The following CNTN5 variants were observed in gnomAD, a reference collection of about 807,000 sequenced individuals.
CNTN5 encodes the protein contactin 5, also known as contactin-5.
CNTN5 carries 77 observed loss-of-function variants against 129.1 expected under a neutral mutation model. The observed-to-expected ratio is 0.60, with a 90% CI of 0.50 to 0.72. The LOEUF (loss-of-function observed/expected upper bound fraction) is 0.72, where lower values mean the gene tolerates loss of function less well. Among genes scored for constraint, CNTN5 ranks in the 30% least tolerant of loss-of-function variants. The pLI is 0.00. For missense variants in CNTN5, 1,478 were observed against 1,328.8 expected (o/e 1.11, Z -1.75); for synonymous variants, 509 against 465.6 (o/e 1.09, Z -1.20).
intron 9 of CNTN5, among the ~76,000 whole-genome samples, chr11:100,040,355 C>G (rs1273448380): frequency 6.6e-6 from 1 of 152,086 alleles, no homozygotes; most frequent in African/African-American, 2.4e-5. Flanking sequence ...AGTACCTGGC[C>G]GTATGAGGTG....
chr11:100,010,899 C>T (rs1254324506), intron 9 of CNTN5, among the ~76,000 whole-genome samples: 1 of 152,066 alleles, frequency 6.6e-6, no homozygotes, highest in Non-Finnish European at 1.5e-5. Flanking sequence ...CCCTGCTTTT[C>T]TTGAGCTCCA....
At chr11:100,346,647 A>G (rs1272944727) in intron 23 of CNTN5, among the ~76,000 whole-genome samples, 1 of 152,106 alleles carries the variant, frequency 6.6e-6, no homozygotes, top group Non-Finnish European at 1.5e-5. Context: ...CCTTTCCTAG[A>G]TATACAACCC....
At chr11:100,138,247 A>AG (rs1946586150) in intron 13 of CNTN5, among the ~76,000 whole-genome samples, 1 of 114,768 alleles carries the variant, frequency 8.7e-6, no homozygotes. Flanking sequence ...CCTGGCACTA[A>AG]GGAAAAAAAA....
intron 1 of CNTN5, among the ~76,000 whole-genome samples, chr11:99,161,827 A>G (rs892743324): frequency 6.6e-6 from 1 of 152,172 alleles, no homozygotes; most frequent in African/African-American, 2.4e-5. Flanking sequence ...GAAACTTGCT[A>G]ATATCATATT....
At chr11:99,788,234 C>G (rs552427647) in intron 3 of CNTN5, among the ~76,000 whole-genome samples, 1 of 152,014 alleles carries the variant, frequency 6.6e-6, no homozygotes, top group East Asian at 1.9e-4. Flanking sequence ...CTGAATTCCT[C>G]CATTAATGAA....
At chr11:99,889,359 T>C (rs949437131) in intron 6 of CNTN5, among the ~76,000 whole-genome samples, 49 of 105,006 alleles carry the variant, frequency 4.7e-4, no homozygotes, top group South Asian at 6.7e-4. Context: ...TGTGTGTGTA[T>C]ATATATCTCT....
intron 2 of CNTN5, among the ~76,000 whole-genome samples, chr11:99,480,776 T>C (rs2135311360): frequency 6.6e-6 from 1 of 152,266 alleles, no homozygotes; most frequent in East Asian, 1.9e-4. Context: ...CATTAGGACC[T>C]GATATGTTAC....
At chr11:100,084,371 TGAGGA>T (rs1213486829) in intron 13 of CNTN5, among the ~76,000 whole-genome samples, 3 of 152,022 alleles carry the variant, frequency 2.0e-5, no homozygotes, top group African/African-American at 7.2e-5. Context: ...TATAAAATGG[TGAGGA>T]GAGAAGATTC....
At chr11:99,296,256 C>T (rs1430490048) in intron 1 of CNTN5, among the ~76,000 whole-genome samples, 1 of 151,988 alleles carries the variant, frequency 6.6e-6, no homozygotes, top group African/African-American at 2.4e-5. Context: ...GTGTACAGTT[C>T]CAGGAGTATG....
At chr11:99,753,822 G>T (rs11221229) in intron 3 of CNTN5, among the ~76,000 whole-genome samples, 30 of 150,182 alleles carry the variant, frequency 2.0e-4, no homozygotes, top group African/African-American at 7.1e-4. Context: ...CAAGTGGCTG[G>T]GATTACAGGT....
chr11:99,593,515 G>C (rs1565330638), intron 3 of CNTN5, among the ~76,000 whole-genome samples: 1 of 152,100 alleles, frequency 6.6e-6, no homozygotes, highest in Non-Finnish European at 1.5e-5. Context: ...TGCTATGACA[G>C]AATAGTAATT....
Position 100,302,949 on chromosome 11 carries a change from C to T in CNTN5, c.2620+3553C>T, listed in dbSNP as rs1951261335. Among the ~76,000 whole-genome samples the T allele has an allele frequency of 2.0e-5, 3 of 151,520 alleles. No homozygotes were observed. The South Asian group carries it at 6.2e-4, about 31-fold the overall frequency. ...GATCAATAAATCACTTGGGATATGA[C>T]CTTAACTCTCACAACTCTGAGGTTT... On this transcript the variant is annotated intron_variant, in intron 20 of 24. Coordinates refer to ENST00000524871, the MANE Select transcript of CNTN5 (RefSeq NM_014361.4).
chr11:100,089,995 C>T (rs918841017), intron 13 of CNTN5, among the ~76,000 whole-genome samples: 3 of 152,028 alleles, frequency 2.0e-5, no homozygotes, highest in East Asian at 1.9e-4. Context: ...CCATGGCAGA[C>T]GTTTACCTAT....
rs572602024 is a variant in CNTN5, at chr11:99,260,420, A to G, written c.-209-64926A>G. Among the ~76,000 whole-genome samples the G allele has an allele frequency of 2.5e-4, 38 of 151,978 alleles. 1 individual carries two copies. The South Asian group carries it at 5.2e-3, about 21-fold the overall frequency. Reference sequence around the variant, plus strand: ...GAATTTTAAAAATATTTTTGTTCACAGGTGCCTACTGCTAAAATATAGAAA... The same window carrying G: ...GAATTTTAAAAATATTTTTGTTCACGGGTGCCTACTGCTAAAATATAGAAA... On this transcript the variant is annotated intron_variant, in intron 1 of 24. Coordinates refer to ENST00000524871, the MANE Select transcript of CNTN5 (RefSeq NM_014361.4).
chr11:99,995,353 A>G (rs1406693567), intron 8 of CNTN5, among the ~76,000 whole-genome samples: 1 of 152,142 alleles, frequency 6.6e-6, no homozygotes, highest in Non-Finnish European at 1.5e-5. Flanking sequence ...AATACCACAA[A>G]GAGCAAAGAT....
chr11:99,384,545 T>G (rs1010259656), intron 2 of CNTN5, among the ~76,000 whole-genome samples: 3 of 152,134 alleles, frequency 2.0e-5, no homozygotes, highest in African/African-American at 7.2e-5. Flanking sequence ...ATGATAAAAC[T>G]GGTCCGTGGT....
At chr11:100,053,335 C>T (rs1943056010) in intron 9 of CNTN5, among the ~76,000 whole-genome samples, 1 of 151,434 alleles carries the variant, frequency 6.6e-6, no homozygotes, top group Non-Finnish European at 1.5e-5. Flanking sequence ...AAAATATGTG[C>T]AATATATATT....
intron 2 of CNTN5, among the ~76,000 whole-genome samples, chr11:99,382,844 A>ATTTTTTTTTTTTTTTTTTTTTTTTTTTTT (rs774797660): frequency 4.3e-5 from 3 of 69,400 alleles, no homozygotes; most frequent in African/African-American, 7.2e-5. Flanking sequence ...TCTCTAAATA[A>ATTTTTTTTTTTTTTTTTTTTTTTTTTTTT]CTTTTTTTTT....
chr11:99,548,230 A>C (rs1948365394), intron 2 of CNTN5, among the ~76,000 whole-genome samples: 1 of 152,304 alleles, frequency 6.6e-6, no homozygotes, highest in Admixed American at 6.5e-5. Context: ...CCTTTACATA[A>C]ATTTTCACTG....
Sources: allele counts gnomAD v4.1 joint callset (sites outside exome capture counted in the v4.1 genomes callset), GRCh38; gene constraint gnomAD v4.1.1; transcripts MANE v1.5; gene names NCBI Gene and HGNC (gene_info 2026-07-23, HGNC 2026-07-21).